PCDHA4: variants seen among roughly 807,000 people sequenced by gnomAD.
PCDHA4 encodes protocadherin alpha-4.
PCDHA4 carries 49 observed loss-of-function variants against 61.4 expected under a neutral mutation model. That is an observed-to-expected ratio of 0.80 (90% CI 0.63 to 1.01). PCDHA4 has a LOEUF of 1.01. Ranked by LOEUF, PCDHA4 falls within the 50% of genes least tolerant of loss-of-function variation. The probability of loss-of-function intolerance (pLI) is 0.00; values close to 1 mark genes in which losing one functional copy is unlikely to be tolerated. For missense variants in PCDHA4, 1,254 were observed against 1,235.8 expected, an observed-to-expected ratio of 1.01 and a Z score of -0.22; for synonymous variants, 590 against 550.3, an observed-to-expected ratio of 1.07 and a Z score of -1.01.
intron 1 of PCDHA4, chr5:140,812,411 TG>T (rs1554125981): frequency 6.6e-6 from 1 of 152,160 alleles, no homozygotes; most frequent in East Asian, 1.9e-4. Context: ...TTGTCAGTTT[TG>T]TTGTTTTTTC....
intron 1 of PCDHA4, chr5:140,834,461 A>C: frequency 6.3e-7 from 1 of 1,589,356 alleles, no homozygotes; most frequent in Non-Finnish European, 8.6e-7. Context: ...CTTGGGAGGC[A>C]GGGAGAGGCC....
chr5:140,810,493 G>T (rs1554125501), intron 1 of PCDHA4: 1 of 152,090 alleles, frequency 6.6e-6, no homozygotes, highest in Admixed American at 6.5e-5. Flanking sequence ...CTCTACATTT[G>T]TCAGGTTATT....
chr5:140,898,505 T>A (rs1367691811), intron 1 of PCDHA4, among the ~76,000 whole-genome samples: 1 of 152,202 alleles, frequency 6.6e-6, no homozygotes, highest in East Asian at 1.9e-4. Flanking sequence ...GTTGTAGATA[T>A]GCGGCGTTAT....
chr5:140,833,968 A>T (rs1772743060), intron 1 of PCDHA4, among the ~76,000 whole-genome samples: 1 of 152,214 alleles, frequency 6.6e-6, no homozygotes, highest in African/African-American at 2.4e-5. Context: ...ACTGTGTGAA[A>T]AAAAAGTTTT....
At chr5:140,989,863 TTCTC>T (rs2097364159) in intron 3 of PCDHA4, among the ~76,000 whole-genome samples, 1 of 151,988 alleles carries the variant, frequency 6.6e-6, no homozygotes, top group Non-Finnish European at 1.5e-5. Flanking sequence ...AGAGGAATCT[TTCTC>T]TGCCTCAGCA....
At chr5:140,998,940 A>G (rs2097841050) in intron 3 of PCDHA4, among the ~76,000 whole-genome samples, 1 of 152,222 alleles carries the variant, frequency 6.6e-6, no homozygotes, top group African/African-American at 2.4e-5. Context: ...AGATGAAGAA[A>G]CTGTAAGTCA....
At chr5:140,818,735 G>C (rs1766429192) in intron 1 of PCDHA4, among the ~76,000 whole-genome samples, 1 of 152,168 alleles carries the variant, frequency 6.6e-6, no homozygotes, top group Non-Finnish European at 1.5e-5. Context: ...CTACTTGGGA[G>C]GCTGAAGTTG....
chr5:140,833,767 C>CA (rs1772642182), intron 1 of PCDHA4, among the ~76,000 whole-genome samples: 1 of 151,616 alleles, frequency 6.6e-6, no homozygotes, highest in Non-Finnish European at 1.5e-5. Flanking sequence ...CACACACACA[C>CA]CGCTTTCTAA....
intron 1 of PCDHA4, among the ~76,000 whole-genome samples, chr5:140,913,742 T>C (rs2153527691): frequency 6.6e-6 from 1 of 152,276 alleles, no homozygotes; most frequent in Non-Finnish European, 1.5e-5. Flanking sequence ...ATAGTACTCC[T>C]TTTGTTGTAT....
chr5:140,882,170 C>G, intron 1 of PCDHA4: 1 of 1,513,564 alleles, frequency 6.6e-7, no homozygotes, highest in Non-Finnish European at 8.8e-7. Flanking sequence ...CTTGCGAATC[C>G]TTCCGCACTA....
chr5:140,882,054 C>T, intron 1 of PCDHA4: 1 of 781,668 alleles, frequency 1.3e-6, no homozygotes. Context: ...CATACTTACA[C>T]TTACACGTTC....
In PCDHA4 at chr5:140,872,619, G is replaced by A. The variant is rs571473600; in HGVS notation, c.2385+63047G>A. On this transcript the variant is annotated intron_variant, in intron 1 of 3. Transcript: ENST00000530339. ...TCTGAAAAAATAATTTTTTTTGCCT[G>A]TTCTTGATTTTGTTCCATGAAAAGG... Among the ~76,000 whole-genome samples, 128 of 152,108 alleles carry A rather than the reference G, an allele frequency of 8.4e-4. 1 individual carries two copies. The highest frequency in any genetic ancestry group is 3.4e-3 in the Middle Eastern group (1 of 294).
rs141789471 is a variant in PCDHA4, at chr5:140,838,199, C to T, written c.2385+28627C>T. Among the ~76,000 whole-genome samples, 332 of 149,502 alleles carry T rather than the reference C, an allele frequency of 2.2e-3. 4 individuals carry two copies. The highest frequency in any genetic ancestry group is 7.4e-3 in the African/African-American group (299 of 40,498). On this transcript the variant is annotated intron_variant, in intron 1 of 3. Transcript: ENST00000530339. Reference sequence around the variant, plus strand: ...TGCAATCTCAGCTCACTGCAAAATCCGCCTCTCTGGTACAAGCAGTTCTCA... The same window carrying T: ...TGCAATCTCAGCTCACTGCAAAATCTGCCTCTCTGGTACAAGCAGTTCTCA...
rs1354913404 is a variant in PCDHA4 at position 140,858,709 on chromosome 5, A to G, written c.2385+49137A>G. 5 of 545,256 alleles carry G rather than the reference A, an allele frequency of 9.2e-6. 1 individual carries two copies. The African/African-American group carries it at 9.7e-5, about 11-fold the overall frequency. The allele number at this position is 545,256 out of a possible 1,614,324, so 33.8% of individuals were successfully genotyped here. A position where few individuals can be genotyped will look rare whatever the true frequency, so the allele number is the denominator to read the frequency against. ...ATATTTTCCAATACAAATATGTGATATAGGTTGCAGTTCTGACGATTTACT... is the reference window on the plus strand; with the variant it reads ...ATATTTTCCAATACAAATATGTGATGTAGGTTGCAGTTCTGACGATTTACT... On this transcript the variant is annotated intron_variant, in intron 1 of 3. Transcript: ENST00000530339.
chr5:140,876,795 G>A (rs782560755), intron 1 of PCDHA4: 97 of 1,614,108 alleles, frequency 6.0e-5, no homozygotes, highest in Non-Finnish European at 7.5e-5. Context: ...CGGCTAGAGT[G>A]TCCGTGGAGG....
At chr5:140,933,659 C>G (rs552302723) in intron 1 of PCDHA4, among the ~76,000 whole-genome samples, 1 of 152,058 alleles carries the variant, frequency 6.6e-6, no homozygotes, top group East Asian at 1.9e-4. Context: ...TCCTGTCTCT[C>G]TCTCTGTCTC....
At chr5:140,871,809 A>G (rs1489306606) in intron 1 of PCDHA4, among the ~76,000 whole-genome samples, 1 of 152,260 alleles carries the variant, frequency 6.6e-6, no homozygotes. Flanking sequence ...TATTTTCACT[A>G]AAGTACCCAT....
intron 1 of PCDHA4, chr5:140,856,834 G>T (rs2044233104): frequency 6.3e-7 from 1 of 1,591,808 alleles, no homozygotes; most frequent in Non-Finnish European, 8.6e-7. Context: ...TAGTAATACG[G>T]CTCAACGCTT....
chr5:141,011,299 CTGAA>C lies in PCDHA4; in HGVS notation c.*1364_*1367del, dbSNP rs1554263406. ...TTTAGTTTTCCTTTTCTATAACACT[CTGAA>C]TTGCTAATCTTACTAACACCTATGA... is the stretch of plus-strand genomic sequence containing the variant. On this transcript the variant is annotated 3_prime_UTR_variant, in exon 4 of 4. Coordinates refer to ENST00000530339, the MANE Select transcript of PCDHA4 (RefSeq NM_018907.4). 1 of 153,768 alleles carries C rather than the reference CTGAA, an allele frequency of 6.5e-6. No homozygotes were observed. Among genetic ancestry groups the C allele is most frequent in the East Asian group, 1.9e-4 (1 of 5,198 alleles). The allele number at this position is 153,768 out of a possible 1,614,324, so 9.5% of individuals were successfully genotyped here.
Sources: allele counts gnomAD v4.1 joint callset (sites outside exome capture counted in the v4.1 genomes callset), GRCh38; gene constraint gnomAD v4.1.1; transcripts MANE v1.5; gene names NCBI Gene and HGNC (gene_info 2026-07-23, HGNC 2026-07-21).